ARHGEF3: variants seen among roughly 807,000 people sequenced by gnomAD.
ARHGEF3 encodes 59.8 kDA protein.
A neutral mutation model predicts 63.2 loss-of-function variants in ARHGEF3; 28 were observed. The observed-to-expected ratio is 0.44, with a 90% CI of 0.33 to 0.61. The LOEUF is 0.61. Among genes scored for constraint, ARHGEF3 ranks in the 20% least tolerant of loss-of-function variants. ARHGEF3 has a pLI of 0.03. For missense variants in ARHGEF3, 533 were observed against 659.3 expected (o/e 0.81, Z 2.10); for synonymous variants, 266 against 254.2 (o/e 1.05, Z -0.44).
chr3:56,945,298 G>A (rs149753084), intron 3 of ARHGEF3, among the ~76,000 whole-genome samples: 118 of 152,234 alleles, frequency 7.8e-4, no homozygotes, highest in Middle Eastern at 3.4e-3. Flanking sequence ...TTCACCGAGC[G>A]TGAGCCGAAG....
At chr3:57,053,679 A>C (rs186068160) in intron 1 of ARHGEF3, among the ~76,000 whole-genome samples, 48 of 152,256 alleles carry the variant, frequency 3.2e-4, no homozygotes, top group Admixed American at 1.1e-3. Flanking sequence ...GCCTACCCCA[A>C]AGGTAACTGC....
intron 1 of ARHGEF3, among the ~76,000 whole-genome samples, chr3:57,063,339 AG>A (rs1705338568): frequency 6.6e-6 from 1 of 152,170 alleles, no homozygotes; most frequent in African/African-American, 2.4e-5. Flanking sequence ...GAGCTATTTG[AG>A]GGCTTTGAGC....
chr3:56,775,792 ACGCGCAAG>A, intron 1 of ARHGEF3: 5 of 384,166 alleles, frequency 1.3e-5, no homozygotes, highest in Non-Finnish European at 1.8e-5. Flanking sequence ...ACACACACAC[ACGCGCAAG>A]CACACACACA....
chr3:56,946,501 T>C (rs1560073784), intron 3 of ARHGEF3, among the ~76,000 whole-genome samples: 1 of 152,192 alleles, frequency 6.6e-6, no homozygotes, highest in Non-Finnish European at 1.5e-5. Context: ...AGCAGCCGAT[T>C]CGATCAACTG....
intron 3 of ARHGEF3, among the ~76,000 whole-genome samples, chr3:56,887,429 T>C (rs2040960569): frequency 6.6e-6 from 1 of 152,174 alleles, no homozygotes. Flanking sequence ...TGGGATGTTA[T>C]CTGTAGAGTA....
intron 4 of ARHGEF3, among the ~76,000 whole-genome samples, chr3:56,851,496 A>G (rs936654347): frequency 6.6e-6 from 1 of 152,012 alleles, no homozygotes; most frequent in Non-Finnish European, 1.5e-5. Flanking sequence ...CAAGCAATTC[A>G]CCCACCTCAG....
chr3:56,757,964 C>T (rs1480802350), intron 2 of ARHGEF3, among the ~76,000 whole-genome samples: 12 of 150,702 alleles, frequency 8.0e-5, no homozygotes, highest in Middle Eastern at 3.4e-3. Flanking sequence ...CCTCGTGATC[C>T]GCCCGCCTCG....
chr3:56,888,428 T>C (rs911321243), intron 3 of ARHGEF3, among the ~76,000 whole-genome samples: 12 of 152,128 alleles, frequency 7.9e-5, no homozygotes, highest in Non-Finnish European at 4.4e-5. Flanking sequence ...CCTGACCCCT[T>C]TGTCTCAATG....
intron 3 of ARHGEF3, among the ~76,000 whole-genome samples, chr3:56,954,219 G>A (rs945898642): frequency 3.3e-5 from 5 of 152,172 alleles, no homozygotes; most frequent in Non-Finnish European, 5.9e-5. Flanking sequence ...TCCTGGTTAA[G>A]CATTTCCTAG....
chr3:57,009,143 C>G (rs1474269013), intron 2 of ARHGEF3, among the ~76,000 whole-genome samples: 2 of 152,250 alleles, frequency 1.3e-5, no homozygotes, highest in African/African-American at 4.8e-5. Context: ...AAGTTTGAGG[C>G]TCCCATTCTG....
chr3:56,858,918 T>C (rs534905465), intron 4 of ARHGEF3, among the ~76,000 whole-genome samples: 2 of 152,314 alleles, frequency 1.3e-5, no homozygotes, highest in African/African-American at 4.8e-5. Context: ...TGTTTCTGTG[T>C]TATATACTTC....
chr3:57,054,507 G>T, intron 1 of ARHGEF3, among the ~76,000 whole-genome samples: 1 of 151,184 alleles, frequency 6.6e-6, no homozygotes, highest in African/African-American at 2.4e-5. Flanking sequence ...GCATGATGGT[G>T]CATGCCTGTG....
Position 57,049,524 on chromosome 3 carries a change from C to T in ARHGEF3, c.-27-14348G>A, listed in dbSNP as rs372698168. 1.7e-3 allele frequency among the ~76,000 whole-genome samples: 260 copies of T among 152,254 alleles called. 1 individual carries two copies. Among genetic ancestry groups the T allele is most frequent in the Non-Finnish European group, 3.0e-3 (207 of 68,014 alleles). On this transcript the variant is annotated intron_variant, in intron 1 of 12. Coordinates refer to the ARHGEF3 transcript ENST00000338458. Reference sequence around the variant, plus strand: ...TAGTGGTTCATTCATTCCAGGGTTGCGTATGTGTCTGGCTCTAAGAAGACA... The same window carrying T: ...TAGTGGTTCATTCATTCCAGGGTTGTGTATGTGTCTGGCTCTAAGAAGACA...
At chr3:56,817,315 G>A (rs772116262) in intron 4 of ARHGEF3, among the ~76,000 whole-genome samples, 3 of 152,138 alleles carry the variant, frequency 2.0e-5, no homozygotes, top group East Asian at 1.9e-4. Context: ...CAAACAGAGC[G>A]AGGAGATAAG....
In ARHGEF3 at chr3:56,755,085, C is replaced by T; in HGVS notation, c.271G>A (p.Ala91Thr). The T allele has an allele frequency of 1.2e-6, 2 of 1,614,098 alleles. No individual in the cohort carries two copies. Among genetic ancestry groups the T allele is most frequent in the Non-Finnish European group, 1.7e-6 (2 of 1,180,020 alleles). Residue 91 changes from alanine (A) to threonine (T), a missense_variant, in exon 3 of 10, where the codon GCC becomes ACC. Physicochemically the swap from Ala to Thr is moderately conservative, Grantham distance 58. This residue lies in a region of ARHGEF3 where 160 missense variants were observed against 157.3 expected (regional missense o/e 1.02). Coordinates refer to ENST00000296315, the MANE Select transcript of ARHGEF3 (RefSeq NM_019555.3). The part of the protein sequence containing the change: ...ILAPRPWSRN[A>T]APSSTKRRDS... ...CTCCGTTTCGTGCTCGAGGGGGCGG[C>T]ATTTCTGGACCAGGGTCGGGGGGCG... is the stretch of plus-strand genomic sequence containing the variant.
At chr3:56,912,820 C>T (rs1311550555) in intron 3 of ARHGEF3, among the ~76,000 whole-genome samples, 1 of 152,144 alleles carries the variant, frequency 6.6e-6, no homozygotes, top group Non-Finnish European at 1.5e-5. Context: ...GCTGAAATTA[C>T]CCCAGTCACA....
intron 2 of ARHGEF3, among the ~76,000 whole-genome samples, chr3:56,758,884 A>T (rs1440141987): frequency 6.6e-6 from 1 of 152,222 alleles, no homozygotes; most frequent in Non-Finnish European, 1.5e-5. Context: ...AAGAGCAGAA[A>T]GAAAGGAAAC....
chr3:56,737,208 C>T lies in ARHGEF3; in HGVS notation c.1018G>A (p.Glu340Lys), dbSNP rs2033685105. ...DSSRVLCCHG[E>K]LKNNRGVKLH... ...ACCACGCCCCGATTGTTCTTCAGTTCACCATGACAACACAAGACTCGAGAG... is the reference window on the plus strand; with the variant it reads ...ACCACGCCCCGATTGTTCTTCAGTTTACCATGACAACACAAGACTCGAGAG... Residue 340 changes from glutamate to lysine, a missense_variant, in exon 8 of 10, where the codon GAA (glutamate) becomes AAA (lysine). Transcript: ENST00000296315. 1 of 1,613,756 alleles carries T rather than the reference C, an allele frequency of 6.2e-7. No individual in the cohort carries two copies. Among genetic ancestry groups the T allele is most frequent in the African/African-American group, 1.3e-5 (1 of 74,904 alleles).
At chr3:56,816,876 C>T (rs2038292762) in intron 4 of ARHGEF3, among the ~76,000 whole-genome samples, 1 of 152,202 alleles carries the variant, frequency 6.6e-6, no homozygotes, top group South Asian at 2.1e-4. Context: ...GCCTATGATG[C>T]AAGGGTCAAG....
Sources: allele counts gnomAD v4.1 joint callset (sites outside exome capture counted in the v4.1 genomes callset), GRCh38; gene constraint gnomAD v4.1.1; regional missense constraint gnomAD v4.1.1; transcripts MANE v1.5; gene names NCBI Gene and HGNC (gene_info 2026-07-23, HGNC 2026-07-21).